Variants in MYH16 observed in about 807,000 individuals in gnomAD.
MYH16 encodes myosin heavy chain 16.
chr7:99,245,906 T>C (rs1791723381), intron 2 of MYH16, among the ~76,000 whole-genome samples: 1 of 151,978 alleles, frequency 6.6e-6, no homozygotes, highest in Non-Finnish European at 1.5e-5. Flanking sequence ...GGTCTCTTTT[T>C]AAGAGTAGGT....
At chr7:99,299,041 A>G (rs1225147938) in intron 36 of MYH16, among the ~76,000 whole-genome samples, 2 of 151,776 alleles carry the variant, frequency 1.3e-5, no homozygotes, top group African/African-American at 4.8e-5. Context: ...AGCCTGGGCA[A>G]CATAGCAAAA....
At chr7:99,242,170 T>C (rs770767994) in intron 1 of MYH16, among the ~76,000 whole-genome samples, 5 of 152,126 alleles carry the variant, frequency 3.3e-5, no homozygotes, top group African/African-American at 4.8e-5. Flanking sequence ...CTAGTTTTCA[T>C]TTATAGATGA....
intron 2 of MYH16, among the ~76,000 whole-genome samples, chr7:99,246,333 T>G (rs1791729800): frequency 6.6e-6 from 1 of 152,076 alleles, no homozygotes; most frequent in Non-Finnish European, 1.5e-5. Flanking sequence ...TTCCACAGCT[T>G]TTGAATCACC....
intron 33 of MYH16, among the ~76,000 whole-genome samples, chr7:99,295,989 A>G (rs923211550): frequency 1.9e-4 from 29 of 151,758 alleles, no homozygotes; most frequent in African/African-American, 7.0e-4. Context: ...TAAAAATACA[A>G]AAAGTAGCCG....
chr7:99,250,467 G>A lies in MYH16; in HGVS notation n.636+392G>A, dbSNP rs547136396. ...TCTAAAAGGCTGACAGCGGCCAGGC[G>A]CAGTGGCTCATGCCTATAATCCCAG... On this transcript the variant is annotated intron_variant and non_coding_transcript_variant, in intron 5 of 41. Coordinates refer to ENST00000439784, the Ensembl canonical transcript of MYH16. 5.9e-5 allele frequency among the ~76,000 whole-genome samples: 9 copies of A among 152,322 alleles called. No individual in the cohort carries two copies. In the East Asian group the frequency reaches 1.2e-3, roughly 20 times the overall value.
chr7:99,258,724 A>G (rs985572577), intron 11 of MYH16, among the ~76,000 whole-genome samples: 3 of 152,006 alleles, frequency 2.0e-5, no homozygotes, highest in African/African-American at 7.2e-5. Context: ...GAAATTAGCC[A>G]TGGCTTGAAT....
At chr7:99,248,382 G>A (rs138052510) in intron 3 of MYH16, among the ~76,000 whole-genome samples, 3,254 of 152,238 alleles carry the variant, frequency 0.021, 53 homozygotes, top group Non-Finnish European at 0.032. Flanking sequence ...CTTTACAGGC[G>A]TGAGCCACTG....
chr7:99,263,659 G>C (rs1238070408), intron 14 of MYH16, among the ~76,000 whole-genome samples: 1 of 152,236 alleles, frequency 6.6e-6, no homozygotes, highest in African/African-American at 2.4e-5. Context: ...GAGGCAAGCA[G>C]AGGCAACATG....
chr7:99,310,878 T>C (rs1190271068), downstream of MYH16: 2 of 152,044 alleles, frequency 1.3e-5, no homozygotes, highest in Non-Finnish European at 2.9e-5. Context: ...AAGAGCGCTA[T>C]GGTGGAAAAT....
chr7:99,307,240 T>C (rs1792695035), downstream of MYH16, among the ~76,000 whole-genome samples: 1 of 152,228 alleles, frequency 6.6e-6, no homozygotes, highest in Non-Finnish European at 1.5e-5. Context: ...ATATCATTTT[T>C]CACTGGAGAT....
At chr7:99,293,474 A>C (rs1792422215) in intron 32 of MYH16, among the ~76,000 whole-genome samples, 1 of 152,054 alleles carries the variant, frequency 6.6e-6, no homozygotes, top group Admixed American at 6.6e-5. Flanking sequence ...GTCCTCCCCC[A>C]AGGCTCCCAC....
chr7:99,249,538 C>CAA (rs1222006408), intron 4 of MYH16, among the ~76,000 whole-genome samples: 576 of 50,226 alleles, frequency 0.011, 6 homozygotes, highest in African/African-American at 0.039. Flanking sequence ...GACCCTCTCT[C>CAA]AAAAAAAAAA....
intron 32 of MYH16, among the ~76,000 whole-genome samples, chr7:99,293,675 T>C (rs1792426123): frequency 6.6e-6 from 1 of 152,204 alleles, no homozygotes; most frequent in Non-Finnish European, 1.5e-5. Flanking sequence ...TATTTGTCAC[T>C]GCAGTGCTTA....
exon 34 of MYH16, chr7:99,296,803 A>T (rs2150832855): frequency 2.2e-6 from 1 of 456,830 alleles, no homozygotes; most frequent in Non-Finnish European, 4.4e-6. Context: ...GGAAGTGGAC[A>T]GCTCGCAGAA....
intron 8 of MYH16, among the ~76,000 whole-genome samples, chr7:99,254,871 A>G (rs549344718): frequency 6.6e-6 from 1 of 152,312 alleles, no homozygotes; most frequent in African/African-American, 2.4e-5. Context: ...GCAGTGGCTC[A>G]TATCTGTAAT....
chr7:99,242,743 T>G (rs1039346423), intron 1 of MYH16, among the ~76,000 whole-genome samples: 1 of 152,206 alleles, frequency 6.6e-6, no homozygotes, highest in African/African-American at 2.4e-5. Context: ...ATCAAAATCC[T>G]TGTTCCACTC....
intron 18 of MYH16, among the ~76,000 whole-genome samples, chr7:99,270,539 G>A (rs1337837497): frequency 5.3e-5 from 8 of 151,264 alleles, no homozygotes; most frequent in Non-Finnish European, 1.0e-4. Context: ...GGATGGTCTC[G>A]ATCTCCTGAC....
At chr7:99,257,692 G>A (rs948741670) in intron 10 of MYH16, among the ~76,000 whole-genome samples, 8 of 152,260 alleles carry the variant, frequency 5.3e-5, no homozygotes, top group Admixed American at 3.9e-4. Flanking sequence ...AGGTGGGAGC[G>A]CAGTGGTGCA....
intron 28 of MYH16, among the ~76,000 whole-genome samples, chr7:99,287,148 C>A (rs1256731952): frequency 6.6e-6 from 1 of 152,140 alleles, no homozygotes; most frequent in East Asian, 1.9e-4. Flanking sequence ...CCTGAATGGC[C>A]AGTTTGGACA....
Sources: gnomAD v4.1 joint callset for allele counts (sites outside exome capture counted in the v4.1 genomes callset) on GRCh38, gnomAD v4.1.1 for gene constraint, MANE v1.5 for transcripts, NCBI Gene and HGNC (gene_info 2026-07-23, HGNC 2026-07-21) for gene names.